The following LPCAT2 variants were observed in gnomAD, a reference collection of about 807,000 sequenced individuals.
LPCAT2 encodes 1-AGP acyltransferase 11.
A neutral mutation model predicts 64.7 loss-of-function variants in LPCAT2; 58 were observed. The observed-to-expected ratio is 0.90, with a 90% CI of 0.73 to 1.12. LPCAT2 has a LOEUF of 1.12. LPCAT2 is among the 50% of genes most tolerant of loss of function. The probability of loss-of-function intolerance (pLI) is 0.00; values close to 1 mark genes in which losing one functional copy is unlikely to be tolerated. For synonymous variants in LPCAT2, 252 were observed against 245.3 expected, an observed-to-expected ratio of 1.03 and a Z score of -0.26; for missense variants, 579 against 669.8, an observed-to-expected ratio of 0.86 and a Z score of 1.50.
intron 6 of LPCAT2, 87 bp downstream of exon 6, chr16:55,532,969 T>C (rs1330139560): frequency 2.8e-6 from 3 of 1,090,680 alleles, no homozygotes; most frequent in East Asian, 2.5e-5. Context: ...ATAAATAAGG[T>C]TGTGAACAGA....
rs1007364871 is a variant in LPCAT2 at position 55,583,557 on chromosome 16, A to G, written c.*459A>G. On this transcript the variant is annotated 3_prime_UTR_variant, in exon 14 of 14. Coordinates refer to ENST00000262134, the MANE Select transcript of LPCAT2 (RefSeq NM_017839.5). ...GAATTTGACATCTATAACTTTACAG[A>G]TTCATTTTTCCATTTAAATTTCAGT... 2 of 152,842 alleles carry G rather than the reference A, an allele frequency of 1.3e-5. No homozygotes were observed. Among genetic ancestry groups the G allele is most frequent in the Non-Finnish European group, 2.9e-5 (2 of 68,490 alleles). 9.5% of individuals were successfully genotyped at this position (152,842 alleles called of 1,614,324 possible).
rs777898965 is a variant in LPCAT2 at position 55,586,589 on chromosome 16, T to C, written c.*3491T>C. On this transcript the variant is annotated 3_prime_UTR_variant, in exon 14 of 14. Transcript: ENST00000262134. ...CTCTGTGAATGTAAATTTTAAAAAC[T>C]GTACCTACTGTTTTTTGGAAATCTG... 1 of 127,700 alleles carries C rather than the reference T, an allele frequency of 7.8e-6. No individual in the cohort carries two copies. Among genetic ancestry groups the C allele is most frequent in the East Asian group, 3.2e-4 (1 of 3,156 alleles). The allele number at this position is 127,700 out of a possible 1,614,324, so 7.9% of individuals were successfully genotyped here.
intron 11 of LPCAT2, among the ~76,000 whole-genome samples, chr16:55,564,519 T>C (rs1362388993): frequency 1.3e-5 from 2 of 151,926 alleles, no homozygotes; most frequent in African/African-American, 4.8e-5. Flanking sequence ...TGGAATAGAA[T>C]AGAGATCCCA....
chr16:55,525,037 T>C (rs1963149700), intron 1 of LPCAT2, among the ~76,000 whole-genome samples: 1 of 152,122 alleles, frequency 6.6e-6, no homozygotes, highest in African/African-American at 2.4e-5. Flanking sequence ...TTATTAGTTA[T>C]AAAGTTCTGG....
At chr16:55,568,785 A>T (rs1963736339) in intron 11 of LPCAT2, among the ~76,000 whole-genome samples, 1 of 152,160 alleles carries the variant, frequency 6.6e-6, no homozygotes, top group African/African-American at 2.4e-5. Context: ...AGATAGAAAT[A>T]CCAAGAAAAT....
chr16:55,544,505 G>A (rs1203851012), intron 8 of LPCAT2, among the ~76,000 whole-genome samples: 3 of 152,152 alleles, frequency 2.0e-5, no homozygotes, highest in Non-Finnish European at 4.4e-5. Context: ...CAGTGCCTGA[G>A]CACCTACTAT....
chr16:55,532,081 T>C, intron 5 of LPCAT2, 107 bp downstream of exon 5: 1 of 743,980 alleles, frequency 1.3e-6, no homozygotes, highest in Non-Finnish European at 2.3e-6. Context: ...GAGCATTTTT[T>C]TCTTTTCTGA....
intron 12 of LPCAT2, among the ~76,000 whole-genome samples, chr16:55,577,262 C>A (rs911383606): frequency 3.9e-5 from 6 of 152,162 alleles, no homozygotes; most frequent in African/African-American, 1.2e-4. Context: ...TCCTCCTACC[C>A]TTTAGGGACC....
At chr16:55,516,253 C>T (rs1963009498) in intron 1 of LPCAT2, among the ~76,000 whole-genome samples, 1 of 149,740 alleles carries the variant, frequency 6.7e-6, no homozygotes, top group African/African-American at 2.4e-5. Flanking sequence ...AATAGGCATG[C>T]ACCACCACAC....
At chr16:55,530,701 A>G (rs1215641093) in intron 4 of LPCAT2, among the ~76,000 whole-genome samples, 1 of 152,154 alleles carries the variant, frequency 6.6e-6, no homozygotes, top group African/African-American at 2.4e-5. Flanking sequence ...GTAAGGAGTG[A>G]TTAAAAAGAG....
chr16:55,513,294 G>A (rs1331642775), intron 1 of LPCAT2, among the ~76,000 whole-genome samples: 1 of 152,098 alleles, frequency 6.6e-6, no homozygotes, highest in Non-Finnish European at 1.5e-5. Flanking sequence ...AGAACCAAAT[G>A]GGCATTCAAA....
At position 55,586,439 on chromosome 16, in the gene LPCAT2, A is replaced by G. The variant is rs1963947708; in HGVS notation, c.*3341A>G. ...CACATTAGCAAAATTTAAAAGATAGAGAAAAATATAAACAGAAAAAATTAT... is the reference window on the plus strand; with the variant it reads ...CACATTAGCAAAATTTAAAAGATAGGGAAAAATATAAACAGAAAAAATTAT... On this transcript the variant is annotated 3_prime_UTR_variant, in exon 14 of 14. Coordinates refer to ENST00000262134, the MANE Select transcript of LPCAT2 (RefSeq NM_017839.5). The G allele has an allele frequency of 7.0e-6, 1 of 143,730 alleles. No individual in the cohort carries two copies. The highest frequency in any genetic ancestry group is 2.8e-5 in the African/African-American group (1 of 35,182). The allele number at this position is 143,730 out of a possible 1,614,324, so 8.9% of individuals were successfully genotyped here.
chr16:55,525,830 T>C (rs996347530), intron 2 of LPCAT2, 183 bp downstream of exon 2: 2 of 366,440 alleles, frequency 5.5e-6, no homozygotes, highest in Admixed American at 9.2e-5. Context: ...ATAAATAATT[T>C]ATTTTTATTT....
Position 55,584,908 on chromosome 16 carries a change from T to G in LPCAT2, c.*1810T>G, listed in dbSNP as rs1263629131. The stretch of plus-strand genomic sequence containing the variant: ...CAATTAAGTAATTAGAACAGTACAT[T>G]TTTATCAGAGTGTCTGTCATATGCA... On this transcript the variant is annotated 3_prime_UTR_variant, in exon 14 of 14. Transcript: ENST00000262134. 1 of 121,708 alleles carries G rather than the reference T, an allele frequency of 8.2e-6. No individual in the cohort carries two copies. Among genetic ancestry groups the G allele is most frequent in the Non-Finnish European group, 1.8e-5 (1 of 54,128 alleles). 7.5% of individuals were successfully genotyped at this position (121,708 alleles called of 1,614,324 possible).
At position 55,532,858 on chromosome 16, in the gene LPCAT2, C is replaced by A. The variant is rs370854221; in HGVS notation, c.738C>A (p.Val246=). The change falls in exon 6 of 14, where the codon GTC becomes GTA. Residue 246 remains valine, a synonymous_variant. Coordinates refer to ENST00000262134, the MANE Select transcript of LPCAT2 (RefSeq NM_017839.5). ...TTCCAGGAGTTCCAGTGCAGCCAGT[C>A]CTCCTCAGATACCCAAACAAGCTGG... The part of the protein sequence containing the change: ...AFIPGVPVQP[V]LLRYPNKLDT... 13 of 1,612,028 alleles carry A rather than the reference C, an allele frequency of 8.1e-6. No homozygotes were observed. Among genetic ancestry groups the A allele is most frequent in the African/African-American group, 1.3e-5 (1 of 74,804 alleles).
At chr16:55,544,751 ATT>A (rs1963434632) in intron 8 of LPCAT2, among the ~76,000 whole-genome samples, 1 of 152,098 alleles carries the variant, frequency 6.6e-6, no homozygotes, top group Admixed American at 6.6e-5. Context: ...CCCTGACAAA[ATT>A]AATCCTTTCC....
chr16:55,522,935 C>T (rs912452433), intron 1 of LPCAT2, among the ~76,000 whole-genome samples: 2 of 151,378 alleles, frequency 1.3e-5, no homozygotes, highest in Non-Finnish European at 3.0e-5. Flanking sequence ...AAGAATTAAA[C>T]ATAAAATAAA....
At chr16:55,539,785 A>G (rs139067548) in intron 8 of LPCAT2, 2 of 152,232 alleles carry the variant, frequency 1.3e-5, no homozygotes, top group East Asian at 3.9e-4. Context: ...GTTGTTCTCA[A>G]GTAACCCCCT....
chr16:55,571,793 A>G (rs751851137), intron 11 of LPCAT2, among the ~76,000 whole-genome samples: 21 of 152,190 alleles, frequency 1.4e-4, no homozygotes, highest in Non-Finnish European at 2.6e-4. Context: ...GGTACATTTT[A>G]TCAAGCTATT....
Sources: allele counts gnomAD v4.1 joint callset (sites outside exome capture counted in the v4.1 genomes callset), GRCh38; gene constraint gnomAD v4.1.1; transcripts MANE v1.5; gene names NCBI Gene and HGNC (gene_info 2026-07-23, HGNC 2026-07-21).